The following IGSF21 variants were observed in gnomAD, a reference collection of about 807,000 sequenced individuals.
IGSF21 encodes immunoglobin superfamily member 21.
A neutral mutation model predicts 46.8 loss-of-function variants in IGSF21; 28 were observed. The observed-to-expected ratio is 0.60, with a 90% CI of 0.44 to 0.82. IGSF21 has a LOEUF of 0.82. Among genes scored for constraint, IGSF21 ranks in the 40% least tolerant of loss-of-function variants. IGSF21 has a pLI of 0.00. For missense variants in IGSF21, 624 were observed against 665.5 expected (o/e 0.94, Z 0.69); for synonymous variants, 284 against 273.6 (o/e 1.04, Z -0.38).
chr1:18,135,196 C>G (rs189651851), intron 1 of IGSF21, among the ~76,000 whole-genome samples: 5 of 152,302 alleles, frequency 3.3e-5, no homozygotes, highest in Middle Eastern at 3.4e-3. Context: ...ACAGTTCTTA[C>G]ATTGCTATAA....
At chr1:18,316,110 C>T (rs2085540773) in intron 3 of IGSF21, among the ~76,000 whole-genome samples, 1 of 152,156 alleles carries the variant, frequency 6.6e-6, no homozygotes, top group Non-Finnish European at 1.5e-5. Context: ...CAGAGCCAAC[C>T]TCAAGCAGAG....
intron 2 of IGSF21, among the ~76,000 whole-genome samples, chr1:18,285,742 T>A (rs1280380337): frequency 6.6e-6 from 1 of 152,188 alleles, no homozygotes; most frequent in Non-Finnish European, 1.5e-5. Flanking sequence ...ATCATTGCAG[T>A]CCACCCACCC....
chr1:18,318,469 T>C (rs1007853715), intron 3 of IGSF21, among the ~76,000 whole-genome samples: 18 of 148,346 alleles, frequency 1.2e-4, no homozygotes, highest in Non-Finnish European at 2.2e-4. Context: ...TGCGTGCGTG[T>C]GTGTGTGTGT....
intron 1 of IGSF21, chr1:18,114,686 CT>C (rs2086173602): frequency 6.6e-6 from 1 of 152,206 alleles, no homozygotes; most frequent in South Asian, 2.1e-4. Flanking sequence ...CCATTTAGAC[CT>C]CACATCACAC....
chr1:18,236,402 T>C (rs921848272), intron 2 of IGSF21, among the ~76,000 whole-genome samples: 1 of 152,246 alleles, frequency 6.6e-6, no homozygotes, highest in African/African-American at 2.4e-5. Context: ...ACTGTCCTTT[T>C]ATAAATTACC....
At chr1:18,287,353 GCCACTACACT>G (rs1453661253) in intron 2 of IGSF21, among the ~76,000 whole-genome samples, 1 of 151,860 alleles carries the variant, frequency 6.6e-6, no homozygotes, top group East Asian at 1.9e-4. Flanking sequence ...CTGAGATCGT[GCCACTACACT>G]CCAGGTTGGT....
intron 2 of IGSF21, among the ~76,000 whole-genome samples, chr1:18,231,961 G>GTGTGTGTGTGTGTGTGTGTGT (rs71018066): frequency 1.4e-5 from 2 of 148,140 alleles, no homozygotes; most frequent in Non-Finnish European, 3.0e-5. Flanking sequence ...GTGTGTGTGT[G>GTGTGTGTGTGTGTGTGTGTGT]GTGAGGGAGG....
In IGSF21 at chr1:18,236,177, G is replaced by T. The variant is rs182543869; in HGVS notation, c.183+8167G>T. 8.5e-5 allele frequency among the ~76,000 whole-genome samples: 13 copies of T among 152,270 alleles called. No homozygotes were observed. The East Asian group carries it at 2.3e-3, about 27-fold the overall frequency. On this transcript the variant is annotated intron_variant, in intron 2 of 9. Coordinates refer to ENST00000251296, the MANE Select transcript of IGSF21 (RefSeq NM_032880.5). The stretch of plus-strand genomic sequence containing the variant: ...ATAATTTCCATGTGTCAAGGGTGGG[G>T]CCAGGTGGAGATAATTGAATCATGG...
intron 4 of IGSF21, among the ~76,000 whole-genome samples, chr1:18,338,667 G>A (rs770005547): frequency 4.7e-4 from 72 of 152,298 alleles, no homozygotes; most frequent in Non-Finnish European, 8.7e-4. Context: ...AGATGAAAAC[G>A]CGAGTGCAGC....
chr1:18,143,039 G>A (rs972057410), intron 1 of IGSF21, among the ~76,000 whole-genome samples: 1 of 152,132 alleles, frequency 6.6e-6, no homozygotes. Context: ...GCCTTCCCTG[G>A]GCCTTCTCTC....
chr1:18,184,207 G>A (rs1459617100), intron 1 of IGSF21, among the ~76,000 whole-genome samples: 2 of 152,148 alleles, frequency 1.3e-5, no homozygotes, highest in East Asian at 3.9e-4. Flanking sequence ...CTAGCCTTGG[G>A]CTTCTCACAG....
chr1:18,292,344 G>A (rs1333615448), intron 3 of IGSF21, among the ~76,000 whole-genome samples: 2 of 152,270 alleles, frequency 1.3e-5, no homozygotes, highest in Admixed American at 6.5e-5. Flanking sequence ...ACACCGCTGG[G>A]CGGTGAAGCA....
intron 1 of IGSF21, among the ~76,000 whole-genome samples, chr1:18,149,288 A>G (rs1440902190): frequency 6.6e-6 from 1 of 152,160 alleles, no homozygotes; most frequent in Non-Finnish European, 1.5e-5. Context: ...CTCGGTGTGC[A>G]GGGGAGACCA....
chr1:18,247,948 C>T (rs958983392), intron 2 of IGSF21, among the ~76,000 whole-genome samples: 5 of 152,190 alleles, frequency 3.3e-5, no homozygotes, highest in Admixed American at 1.3e-4. Context: ...AGTTCCTCCC[C>T]CAAACTCCAG....
At chr1:18,174,344 C>A (rs1328839212) in intron 1 of IGSF21, among the ~76,000 whole-genome samples, 1 of 152,180 alleles carries the variant, frequency 6.6e-6, no homozygotes, top group East Asian at 1.9e-4. Context: ...CACAGATGGG[C>A]AGTTCTTCTT....
chr1:18,377,036 C>T (rs529134271), intron 8 of IGSF21, 44 bp downstream of exon 8: 112 of 1,544,130 alleles, frequency 7.3e-5, no homozygotes, highest in African/African-American at 2.1e-4. Flanking sequence ...ACCACAGGGG[C>T]GGGTCCTGTC....
At chr1:18,149,326 C>T (rs892331159) in intron 1 of IGSF21, among the ~76,000 whole-genome samples, 2 of 152,074 alleles carry the variant, frequency 1.3e-5, no homozygotes, top group Non-Finnish European at 2.9e-5. Context: ...TCCGAGGCTT[C>T]GGGGCAAGGG....
chr1:18,284,429 T>C (rs2085192925), intron 2 of IGSF21, among the ~76,000 whole-genome samples: 1 of 152,148 alleles, frequency 6.6e-6, no homozygotes, highest in Non-Finnish European at 1.5e-5. Context: ...ATGGCAGAAG[T>C]TTCTAGATTT....
At chr1:18,276,940 T>G (rs1457581202) in intron 2 of IGSF21, among the ~76,000 whole-genome samples, 1 of 152,208 alleles carries the variant, frequency 6.6e-6, no homozygotes, top group Non-Finnish European at 1.5e-5. Context: ...AACTTTTATA[T>G]AACTCATCTC....
Sources: allele counts gnomAD v4.1 joint callset (sites outside exome capture counted in the v4.1 genomes callset), GRCh38; gene constraint gnomAD v4.1.1; transcripts MANE v1.5; gene names NCBI Gene and HGNC (gene_info 2026-07-23, HGNC 2026-07-21).